The following SGCE variants were observed in gnomAD, a reference collection of about 807,000 sequenced individuals.
SGCE encodes the protein sarcoglycan epsilon.
In SGCE, 26 loss-of-function variants were observed where a neutral mutation model predicts 57.8. That is an observed-to-expected ratio of 0.45 (90% CI 0.33 to 0.62). The LOEUF is 0.62. Among genes scored for constraint, SGCE ranks in the 20% least tolerant of loss-of-function variants. The pLI, the probability that SGCE is intolerant of heterozygous loss-of-function variation, is 0.02. For synonymous variants in SGCE, 183 were observed against 189.5 expected (o/e 0.97, Z 0.28); for missense variants, 468 against 548.6 (o/e 0.85, Z 1.47).
chr7:94,607,191 A>T (rs1343612974), intron 5 of SGCE, among the ~76,000 whole-genome samples: 1 of 152,220 alleles, frequency 6.6e-6, no homozygotes, highest in African/African-American at 2.4e-5. Flanking sequence ...TCAGGTCCAG[A>T]TGGGTTCACT....
chr7:94,638,452 A>G lies in SGCE; in HGVS notation c.110-8611T>C, dbSNP rs112146881. ...ATGAAGTAAGCCAGGAATCAATCCT[A>G]CAAGTACCCAGCAGGTTTCATCTGG... On this transcript the variant is annotated intron_variant, in intron 1 of 10. Coordinates refer to ENST00000648936, the MANE Select transcript of SGCE (RefSeq NM_003919.3). 8.6e-3 allele frequency among the ~76,000 whole-genome samples: 1,304 copies of G among 152,284 alleles called. 26 individuals carry two copies. Among genetic ancestry groups the G allele is most frequent in the African/African-American group, 0.03 (1,241 of 41,546 alleles).
At chr7:94,588,164 A>C in intron 10 of SGCE, 1 of 1,105,484 alleles carries the variant, frequency 9.0e-7, no homozygotes, top group Non-Finnish European at 1.1e-6. Context: ...AGTCTTAGGG[A>C]AATAGAATAA....
intron 5 of SGCE, among the ~76,000 whole-genome samples, chr7:94,607,289 A>G (rs1326398118): frequency 6.6e-6 from 1 of 152,184 alleles, no homozygotes; most frequent in Non-Finnish European, 1.5e-5. Flanking sequence ...AATACTTCCT[A>G]TCTCATTCTA....
intron 1 of SGCE, among the ~76,000 whole-genome samples, chr7:94,633,633 G>A (rs917749031): frequency 6.6e-6 from 1 of 151,934 alleles, no homozygotes; most frequent in Admixed American, 6.6e-5. Context: ...CAAAAAAAAA[G>A]GGAGCTCATG....
At chr7:94,598,458 G>C (rs1335639994) in intron 9 of SGCE, 1 of 310,274 alleles carries the variant, frequency 3.2e-6, no homozygotes, top group Non-Finnish European at 6.1e-6. Context: ...GAAATGCTTA[G>C]GATATGGTTC....
At chr7:94,600,017 G>C (rs1222819426) in intron 7 of SGCE, 3 of 295,862 alleles carry the variant, frequency 1.0e-5, no homozygotes, top group Non-Finnish European at 1.9e-5. Context: ...AAAAATGAAA[G>C]AATTTGTTAC....
chr7:94,612,932 C>T (rs1320707573), intron 5 of SGCE, among the ~76,000 whole-genome samples: 1 of 152,144 alleles, frequency 6.6e-6, no homozygotes, highest in African/African-American at 2.4e-5. Flanking sequence ...CCTGAAATAA[C>T]TCTCATACAC....
intron 5 of SGCE, 42 bp from the exon 6 acceptor site, chr7:94,603,494 T>C: frequency 1.3e-6 from 2 of 1,581,544 alleles, no homozygotes; most frequent in Non-Finnish European, 1.7e-6. Context: ...TTAAGAAAAT[T>C]GAAAACACTA....
chr7:94,636,096 G>A (rs140190899), intron 1 of SGCE, among the ~76,000 whole-genome samples: 4 of 152,292 alleles, frequency 2.6e-5, no homozygotes, highest in African/African-American at 9.6e-5. Flanking sequence ...AAGCAGAAGA[G>A]TTTCTTCATG....
At chr7:94,655,225 G>A (rs576835223) in intron 1 of SGCE, among the ~76,000 whole-genome samples, 1 of 152,314 alleles carries the variant, frequency 6.6e-6, no homozygotes, top group Non-Finnish European at 1.5e-5. Flanking sequence ...GCCACCAAAA[G>A]TCGGTAGCTG....
chr7:94,645,835 C>T (rs548531410), intron 1 of SGCE, among the ~76,000 whole-genome samples: 2 of 152,196 alleles, frequency 1.3e-5, no homozygotes, highest in East Asian at 3.9e-4. Context: ...TACTCTTCAA[C>T]TAATTTGAAG....
intron 8 of SGCE, 156 bp from the exon 9 acceptor site, chr7:94,599,119 A>G (rs895947380): frequency 6.7e-6 from 4 of 597,520 alleles, no homozygotes; most frequent in African/African-American, 3.7e-5. Flanking sequence ...AAAGGCATAC[A>G]TCTCACATAC....
Position 94,628,317 on chromosome 7 carries a change from A to T in SGCE, c.275T>A (p.Met92Lys). The T allele has an allele frequency of 6.2e-7, 1 of 1,611,588 alleles. No individual in the cohort carries two copies. The highest frequency in any genetic ancestry group is 8.5e-7 in the Non-Finnish European group (1 of 1,178,282). Residue 92 changes from methionine to lysine, a missense_variant, in exon 3 of 11, where the codon ATG (methionine) becomes AAG (lysine). By Grantham distance (95) the Met-to-Lys change is moderately conservative. Coordinates refer to ENST00000648936, the MANE Select transcript of SGCE (RefSeq NM_003919.3). Reference protein sequence around the residue: ...NDPITFNTNLMGYPDRPGWLR... With the variant: ...NDPITFNTNLKGYPDRPGWLR... Reference sequence around the variant, plus strand: ...CCATCCAGGTCGGTCTGGGTAACCCATTAAATTTGTATTAAATGTTATGGG... The same window carrying T: ...CCATCCAGGTCGGTCTGGGTAACCCTTTAAATTTGTATTAAATGTTATGGG...
chr7:94,629,760 C>G lies in SGCE; in HGVS notation c.191G>C (p.Arg64Thr), dbSNP rs766866819. The change falls in exon 2 of 11, where the codon AGA (arginine) becomes ACA (threonine). Residue 64 changes from arginine to threonine, a missense_variant. Arg to Thr is a moderately conservative substitution (Grantham distance 71). Coordinates refer to ENST00000648936, the MANE Select transcript of SGCE (RefSeq NM_003919.3). ...TGGAAATTCCCCCTTAAAATATTCT[C>G]TTTCCAAAACATGAACAAAGAGGAC... ...AGVLFVHVLE[R>T]EYFKGEFPPY... The G allele has an allele frequency of 1.4e-5, 23 of 1,611,362 alleles. No homozygotes were observed. Among genetic ancestry groups the G allele is most frequent in the South Asian group, 4.4e-5 (4 of 91,026 alleles).
intron 1 of SGCE, among the ~76,000 whole-genome samples, chr7:94,649,402 TA>T (rs1167566062): frequency 1.3e-5 from 2 of 152,198 alleles, no homozygotes; most frequent in Non-Finnish European, 2.9e-5. Context: ...GTAACATCTT[TA>T]AGTTTTAAAA....
At chr7:94,610,468 T>C (rs779303448) in intron 5 of SGCE, among the ~76,000 whole-genome samples, 1 of 152,180 alleles carries the variant, frequency 6.6e-6, no homozygotes, top group Admixed American at 6.6e-5. Flanking sequence ...CTGCACCTTA[T>C]GCTTAATTTT....
chr7:94,604,155 C>A (rs1372414458), intron 5 of SGCE, among the ~76,000 whole-genome samples: 1 of 152,010 alleles, frequency 6.6e-6, no homozygotes, highest in African/African-American at 2.4e-5. Context: ...GATTTCACAA[C>A]AGGAAATAGT....
intron 9 of SGCE, among the ~76,000 whole-genome samples, chr7:94,594,097 C>T (rs1347913542): frequency 1.3e-5 from 2 of 151,988 alleles, no homozygotes; most frequent in Non-Finnish European, 2.9e-5. Context: ...AATGTTATTA[C>T]TTGGAATTAA....
At chr7:94,622,719 C>G (rs1803004285) in intron 4 of SGCE, 1 of 151,704 alleles carries the variant, frequency 6.6e-6, no homozygotes, top group Non-Finnish European at 1.5e-5. Context: ...TCTGAGAATA[C>G]TTCCTTATCC....
Sources: allele counts gnomAD v4.1 joint callset (sites outside exome capture counted in the v4.1 genomes callset), GRCh38; gene constraint gnomAD v4.1.1; transcripts MANE v1.5; gene names NCBI Gene and HGNC (gene_info 2026-07-23, HGNC 2026-07-21).